The following TUBD1 variants were observed in gnomAD, a reference collection of about 807,000 sequenced individuals.
The protein encoded by TUBD1 is tubulin delta chain.
TUBD1 carries 38 observed loss-of-function variants against 51.2 expected under a neutral mutation model. That is an observed-to-expected ratio of 0.74 (90% CI 0.57 to 0.97). The LOEUF (loss-of-function observed/expected upper bound fraction) is 0.97, where lower values mean the gene tolerates loss of function less well. Among genes scored for constraint, TUBD1 ranks in the 50% least tolerant of loss-of-function variants. The pLI is 0.00. For missense variants in TUBD1, 489 were observed against 538.4 expected (o/e 0.91, Z 0.91); for synonymous variants, 169 against 178.2 (o/e 0.95, Z 0.41).
rs1411440675 is a variant in TUBD1, at chr17:59,878,092, G to C, written c.769+11C>G. 6.2e-7 allele frequency: 1 copy of C among 1,604,530 alleles called. No individual in the cohort carries two copies. The highest frequency in any genetic ancestry group is 1.3e-5 in the African/African-American group (1 of 74,686). ...GGCTTTCCTATAATTAACGTATAGA[G>C]GGACAAATACCTAGTGGATTTCGTC... is the stretch of plus-strand genomic sequence containing the variant. On this transcript the variant is annotated intron_variant, in intron 5 of 8. Coordinates refer to ENST00000325752, the MANE Select transcript of TUBD1 (RefSeq NM_016261.4).
chr17:59,884,261 TAAA>T (rs60271226), intron 3 of TUBD1, among the ~76,000 whole-genome samples: 1 of 123,428 alleles, frequency 8.1e-6, no homozygotes. Flanking sequence ...ACTCTTGTCT[TAAA>T]AAAAAAAAAA....
At chr17:59,862,056 G>A (rs766322377) in intron 8 of TUBD1, among the ~76,000 whole-genome samples, 2 of 151,104 alleles carry the variant, frequency 1.3e-5, no homozygotes, top group Non-Finnish European at 3.0e-5. Flanking sequence ...GGGCACAGTG[G>A]CTCACACTGG....
chr17:59,863,248 C>T (rs1437032573), intron 8 of TUBD1, among the ~76,000 whole-genome samples: 14 of 152,130 alleles, frequency 9.2e-5, no homozygotes. Flanking sequence ...TACCTTCACA[C>T]CTACAAAGTA....
intron 4 of TUBD1, among the ~76,000 whole-genome samples, chr17:59,880,648 G>A (rs1179666383): frequency 6.6e-6 from 1 of 151,796 alleles, no homozygotes; most frequent in East Asian, 1.9e-4. Context: ...CCGAGTAGCT[G>A]GGACTAGAGG....
At chr17:59,891,118 A>G in intron 1 of TUBD1, 77 bp from the exon 2 acceptor site, 1 of 780,542 alleles carries the variant, frequency 1.3e-6, no homozygotes, top group Non-Finnish European at 2.0e-6. Flanking sequence ...TATGTTAATT[A>G]TACATCAATA....
chr17:59,880,114 G>A lies in TUBD1; in HGVS notation c.537+780C>T, dbSNP rs1053284764. On this transcript the variant is annotated intron_variant, in intron 4 of 8. Coordinates refer to ENST00000325752, the MANE Select transcript of TUBD1 (RefSeq NM_016261.4). ...CGCTCTGTCGCCAGGCTGGAGTGCA[G>A]TGGCGGGATATCAGCTCACTGCAGC... Among the ~76,000 whole-genome samples, 3 of 151,520 alleles carry A rather than the reference G, an allele frequency of 2.0e-5. No homozygotes were observed. In the Admixed American group the frequency reaches 2.0e-4, roughly 10 times the overall value.
intron 5 of TUBD1, among the ~76,000 whole-genome samples, chr17:59,876,712 G>A (rs1342477278): frequency 2.0e-5 from 3 of 151,848 alleles, no homozygotes; most frequent in Admixed American, 2.0e-4. Flanking sequence ...GGCTGGCTTC[G>A]AACTCCTGGC....
At chr17:59,880,787 T>C in intron 4 of TUBD1, 107 bp downstream of exon 4, 1 of 1,055,324 alleles carries the variant, frequency 9.5e-7, no homozygotes, top group Non-Finnish European at 1.4e-6. Flanking sequence ...GTGCTGGGAT[T>C]ACAGGCATAA....
intron 4 of TUBD1, among the ~76,000 whole-genome samples, chr17:59,879,045 T>C (rs2040358934): frequency 6.6e-6 from 1 of 151,586 alleles, no homozygotes; most frequent in South Asian, 2.1e-4. Context: ...GAGGCTGAGG[T>C]GGGTGGATCA....
chr17:59,885,146 G>A (rs1380232294), intron 3 of TUBD1: 6 of 353,304 alleles, frequency 1.7e-5, no homozygotes, highest in Non-Finnish European at 2.8e-5. Context: ...ATCCTAGGAC[G>A]CCAAAAGGAC....
At chr17:59,874,114 G>A (rs1346609987) in intron 6 of TUBD1, among the ~76,000 whole-genome samples, 18 of 149,988 alleles carry the variant, frequency 1.2e-4, no homozygotes, top group South Asian at 2.1e-4. Context: ...GTGTGAACCC[G>A]GGAGGCGGAG....
chr17:59,889,956 C>T (rs143950718), intron 2 of TUBD1, among the ~76,000 whole-genome samples: 5,699 of 128,778 alleles, frequency 0.044, 434 homozygotes, highest in African/African-American at 0.16. Context: ...GGTGACAGAG[C>T]GAGACTCTCT....
Position 59,878,239 on chromosome 17 carries a change from C to G in TUBD1, c.633G>C (p.Lys211Asn). The G allele has an allele frequency of 6.2e-7, 1 of 1,614,004 alleles. No homozygotes were observed. The highest frequency in any genetic ancestry group is 8.5e-7 in the Non-Finnish European group (1 of 1,180,022). Residue 211 changes from lysine (K) to asparagine (N), a missense_variant, in exon 5 of 9, where the codon AAG (lysine) becomes AAC (asparagine). By Grantham distance (94) the Lys-to-Asn change is moderately conservative. Transcript: ENST00000325752. ...LLLHENDAIH[K>N]ICAKLMNIKQ... ...TGATATTCATCAGTTTTGCACAGAT[C>G]TTATGGATGGCATCATTCTCATGAA...
rs755909981 is a variant in TUBD1 at position 59,860,338 on chromosome 17, C to G, written c.1346G>C (p.Ser449Thr). Reference protein sequence around the residue: ...SFTSLEQVVASYCNL With the variant: ...SFTSLEQVVATYCNL ...TGTTCAAGATCAGAGATTACAGTAA[C>G]TGGCAACAACCTGCTCTAATGACGT... The change falls in exon 9 of 9, where the codon AGT becomes ACT. Residue 449 changes from serine to threonine, a missense_variant. Ser to Thr is a moderately conservative substitution (Grantham distance 58). Coordinates refer to ENST00000325752, the MANE Select transcript of TUBD1 (RefSeq NM_016261.4). The G allele has an allele frequency of 4.3e-6, 7 of 1,609,270 alleles. No homozygotes were observed. In the African/African-American group the frequency reaches 6.7e-5, roughly 15 times the overall value.
intron 5 of TUBD1, among the ~76,000 whole-genome samples, chr17:59,876,958 T>C (rs2040254125): frequency 6.6e-6 from 1 of 151,612 alleles, no homozygotes; most frequent in African/African-American, 2.4e-5. Context: ...GCCTTATGGG[T>C]TCAAGCAATT....
rs1305209787 is a variant in TUBD1, at chr17:59,886,228, G to C, written c.175C>G (p.Pro59Ala). Reference sequence around the variant, plus strand: ...TCAACAAGAACAGCCCGGGCAATTGGAACTAGAGGGGGAAAAAAACCCAAA... The same window carrying C: ...TCAACAAGAACAGCCCGGGCAATTGCAACTAGAGGGGGAAAAAAACCCAAA... The part of the protein sequence containing the change: ...RFFSEEENGV[P>A]IARAVLVDME... The change falls in exon 3 of 9, where the codon CCA becomes GCA. Residue 59 changes from proline (P) to alanine (A), a missense_variant and splice_region_variant. By Grantham distance (27) the Pro-to-Ala change is conservative (BLOSUM62 -1). Transcript: ENST00000325752. 6.3e-7 allele frequency: 1 copy of C among 1,595,132 alleles called. No homozygotes were observed. Among genetic ancestry groups the C allele is most frequent in the African/African-American group, 1.4e-5 (1 of 73,240 alleles).
intron 6 of TUBD1, among the ~76,000 whole-genome samples, chr17:59,868,635 G>A (rs2144460914): frequency 6.6e-6 from 1 of 152,146 alleles, no homozygotes; most frequent in East Asian, 1.9e-4. Context: ...TCAAGAGATC[G>A]AGACCATACT....
intron 2 of TUBD1, among the ~76,000 whole-genome samples, chr17:59,889,894 C>T (rs563770156): frequency 4.1e-5 from 6 of 145,366 alleles, no homozygotes; most frequent in African/African-American, 1.3e-4. Flanking sequence ...TGCTTGAACA[C>T]GGGAGGTGGA....
intron 8 of TUBD1, among the ~76,000 whole-genome samples, chr17:59,861,267 C>T (rs1367462805): frequency 2.7e-5 from 4 of 148,330 alleles, no homozygotes; most frequent in South Asian, 2.1e-4. Context: ...GGTGTGATCT[C>T]GGCTCACTGT....
Sources: gnomAD v4.1 joint callset for allele counts (sites outside exome capture counted in the v4.1 genomes callset) on GRCh38, gnomAD v4.1.1 for gene constraint, MANE v1.5 for transcripts, NCBI Gene and HGNC (gene_info 2026-07-23, HGNC 2026-07-21) for gene names.